HYDIN: variants seen among roughly 807,000 people sequenced by gnomAD.
HYDIN encodes the protein axonemal central pair apparatus protein HYDIN.
HYDIN carries 132 observed loss-of-function variants against 403.9 expected under a neutral mutation model. That is an observed-to-expected ratio of 0.33 (90% CI 0.28 to 0.38). The LOEUF is 0.38. Ranked by LOEUF, HYDIN falls within the 10% of genes least tolerant of loss-of-function variation. The probability of loss-of-function intolerance (pLI) is 1.00; values close to 1 mark genes in which losing one functional copy is unlikely to be tolerated. For missense variants in HYDIN, 2,827 were observed against 5,009.5 expected, an observed-to-expected ratio of 0.56 and a Z score of 13.15; for synonymous variants, 1,202 against 1,891.7, an observed-to-expected ratio of 0.64 and a Z score of 9.46.
chr16:71,229,989 T>A (rs1319777872), intron 1 of HYDIN, among the ~76,000 whole-genome samples: 1 of 152,086 alleles, frequency 6.6e-6, no homozygotes, highest in East Asian at 1.9e-4. Flanking sequence ...GATTTGATGG[T>A]TTTATAAAGG....
chr16:70,947,450 T>C (rs556058020), intron 41 of HYDIN, among the ~76,000 whole-genome samples: 8 of 152,002 alleles, frequency 5.3e-5, no homozygotes, highest in Admixed American at 2.0e-4. Context: ...GCCAGTATTT[T>C]ATTGAGGATT....
intron 67 of HYDIN, among the ~76,000 whole-genome samples, chr16:70,864,946 G>C (rs957099988): frequency 6.6e-6 from 1 of 152,108 alleles, no homozygotes; most frequent in Non-Finnish European, 1.5e-5. Context: ...ACAGGCCACA[G>C]TTTGCTGACC....
intron 41 of HYDIN, among the ~76,000 whole-genome samples, chr16:70,946,126 G>A (rs1453368362): frequency 6.9e-6 from 1 of 144,012 alleles, no homozygotes; most frequent in African/African-American, 2.6e-5. Context: ...TAAGAGAAGG[G>A]GTGGGGCTGG....
At chr16:71,227,131 G>A (rs943866057) in intron 1 of HYDIN, among the ~76,000 whole-genome samples, 2 of 150,434 alleles carry the variant, frequency 1.3e-5, no homozygotes, top group Admixed American at 1.3e-4. Context: ...ATATATATAT[G>A]TATATATATA....
intron 84 of HYDIN, chr16:70,817,192 G>C (rs1365642294): frequency 4.6e-5 from 7 of 151,726 alleles, no homozygotes; most frequent in Non-Finnish European, 2.9e-5. Context: ...TATCAGATTA[G>C]TAACCTTAAA....
At chr16:70,879,243 G>A in intron 62 of HYDIN, 54 bp downstream of exon 62, 2 of 1,289,982 alleles carry the variant, frequency 1.6e-6, no homozygotes, top group South Asian at 1.4e-5. Flanking sequence ...TGGCAGAAGT[G>A]TAACTTCTGG....
chr16:70,824,691 C>T (rs2036479620), intron 83 of HYDIN, among the ~76,000 whole-genome samples: 1 of 150,658 alleles, frequency 6.6e-6, no homozygotes, highest in Non-Finnish European at 1.5e-5. Context: ...GAACTCCTAA[C>T]CTCAAGTGAT....
At position 70,874,855 on chromosome 16, in the gene HYDIN, T is replaced by C. The variant is rs780734985; in HGVS notation, c.10622A>G (p.Tyr3541Cys). Residue 3541 changes from tyrosine to cysteine, a missense_variant, in exon 63 of 86, where the codon TAT becomes TGT. Physicochemically the swap from Tyr to Cys is radical, Grantham distance 194 (BLOSUM62 -2). Coordinates refer to ENST00000393567, the MANE Select transcript of HYDIN (RefSeq NM_001270974.2). ...TTTATTTTCCTCTGTGATGTAGATATACGCGGTGGTGGGCCTCCCTTTCAG... is the reference window on the plus strand; with the variant it reads ...TTTATTTTCCTCTGTGATGTAGATACACGCGGTGGTGGGCCTCCCTTTCAG... ...FSLKGRPTTAYIYITEENKPH... is the reference protein window; with the variant it reads ...FSLKGRPTTACIYITEENKPH... 1.2e-5 allele frequency: 19 copies of C among 1,613,562 alleles called. No individual in the cohort carries two copies. Among genetic ancestry groups the C allele is most frequent in the East Asian group, 2.2e-5 (1 of 44,812 alleles).
At chr16:71,018,900 G>A (rs1250179376) in intron 22 of HYDIN, among the ~76,000 whole-genome samples, 4 of 136,896 alleles carry the variant, frequency 2.9e-5, no homozygotes, top group African/African-American at 7.9e-5. Flanking sequence ...TTTTTAAAAG[G>A]GTTTTCTAAA....
chr16:70,956,035 G>C (rs1454028487), intron 39 of HYDIN, among the ~76,000 whole-genome samples: 1 of 152,050 alleles, frequency 6.6e-6, no homozygotes, highest in African/African-American at 2.4e-5. Flanking sequence ...GGCCAGGCTG[G>C]TCTCGAACTC....
rs202041536 is a variant in HYDIN at position 71,039,769 on chromosome 16, T to A, written c.2530-7852A>T. On this transcript the variant is annotated intron_variant, in intron 18 of 85. Transcript: ENST00000393567. ...GCAATTAAATCTCCCACATTTACCATCCTTAAATTTGTTCATGTGACCTCA... is the reference window on the plus strand; with the variant it reads ...GCAATTAAATCTCCCACATTTACCAACCTTAAATTTGTTCATGTGACCTCA... Among the ~76,000 whole-genome samples, 12 of 152,274 alleles carry A rather than the reference T, an allele frequency of 7.9e-5. No individual in the cohort carries two copies. In the East Asian group the frequency reaches 2.3e-3, roughly 29 times the overall value.
At chr16:70,956,433 CA>C (rs1469570525) in intron 39 of HYDIN, among the ~76,000 whole-genome samples, 4 of 152,168 alleles carry the variant, frequency 2.6e-5, no homozygotes, top group African/African-American at 7.2e-5. Context: ...ATGGCTCCTC[CA>C]AAGATTTCCA....
At chr16:71,031,142 G>T (rs1007554820) in intron 19 of HYDIN, among the ~76,000 whole-genome samples, 3 of 145,766 alleles carry the variant, frequency 2.1e-5, no homozygotes, top group African/African-American at 7.7e-5. Flanking sequence ...GGAGCTTGCA[G>T]TGAGCAGAGA....
intron 10 of HYDIN, among the ~76,000 whole-genome samples, chr16:71,110,398 A>T (rs902445105): frequency 1.4e-5 from 2 of 140,436 alleles, no homozygotes; most frequent in Non-Finnish European, 3.1e-5. Context: ...TTTTATATAT[A>T]TATTTATATA....
rs371277345 is a variant in HYDIN at position 70,978,907 on chromosome 16, G to A, written c.4638+7C>T. On this transcript the variant is annotated splice_region_variant and intron_variant, in intron 30 of 85. Transcript: ENST00000393567. Reference sequence around the variant, plus strand: ...CAGGCGTCCCGTGCAGGCTGGAGCTGTCTTACCTCAGCAGGCTCGTCTTCT... The same window carrying A: ...CAGGCGTCCCGTGCAGGCTGGAGCTATCTTACCTCAGCAGGCTCGTCTTCT... 1 of 1,612,572 alleles carries A rather than the reference G, an allele frequency of 6.2e-7. No homozygotes were observed. The highest frequency in any genetic ancestry group is 8.5e-7 in the Non-Finnish European group (1 of 1,179,922).
chr16:70,882,132 T>C (rs1360481368), intron 60 of HYDIN, among the ~76,000 whole-genome samples: 6 of 152,244 alleles, frequency 3.9e-5, no homozygotes, highest in Admixed American at 3.9e-4. Context: ...ATTTAGCTTT[T>C]TAAGCCTCAG....
Position 71,120,613 on chromosome 16 carries a change from A to G in HYDIN, c.1228-4818T>C, listed in dbSNP as rs146771326. On this transcript the variant is annotated intron_variant, in intron 9 of 85. Transcript: ENST00000393567. Reference sequence around the variant, plus strand: ...TACTTACAGGGGATCTTTAAAAAAAACTCCCTTGAAAATCCTTAAACAAAC... The same window carrying G: ...TACTTACAGGGGATCTTTAAAAAAAGCTCCCTTGAAAATCCTTAAACAAAC... 8.4e-3 allele frequency among the ~76,000 whole-genome samples: 1,275 copies of G among 151,642 alleles called. 15 individuals are homozygous for G. The highest frequency in any genetic ancestry group is 0.029 in the African/African-American group (1,210 of 41,310).
At chr16:70,822,805 C>A (rs2036351996) in intron 83 of HYDIN, among the ~76,000 whole-genome samples, 1 of 151,732 alleles carries the variant, frequency 6.6e-6, no homozygotes, top group Non-Finnish European at 1.5e-5. Flanking sequence ...GATTTTTAAG[C>A]AAATAAGTAA....
chr16:70,921,979 T>C (rs2077008844), intron 45 of HYDIN, among the ~76,000 whole-genome samples: 2 of 152,214 alleles, frequency 1.3e-5, no homozygotes, highest in African/African-American at 4.8e-5. Flanking sequence ...GCTCCATCGT[T>C]TTTTGGGTCA....
Sources: allele counts gnomAD v4.1 joint callset (sites outside exome capture counted in the v4.1 genomes callset), GRCh38; gene constraint gnomAD v4.1.1; transcripts MANE v1.5; gene names NCBI Gene and HGNC (gene_info 2026-07-23, HGNC 2026-07-21).